The following RBFOX1 variants were observed in gnomAD, a reference collection of about 807,000 sequenced individuals.
The protein encoded by RBFOX1 is RNA binding protein fox-1 homolog 1.
Under a neutral mutation model 57.7 loss-of-function variants are expected in RBFOX1, and 8 were observed. The observed-to-expected ratio is 0.14, with a 90% CI of 0.08 to 0.25. RBFOX1 has a LOEUF of 0.25. Among genes scored for constraint, RBFOX1 ranks in the 10% least tolerant of loss-of-function variants. The pLI, the probability that RBFOX1 is intolerant of heterozygous loss-of-function variation, is 1.00. For synonymous variants in RBFOX1, 326 were observed against 222.4 expected, an observed-to-expected ratio of 1.47 and a Z score of -4.15; for missense variants, 611 against 548.5, an observed-to-expected ratio of 1.11 and a Z score of -1.14.
At chr16:5,890,698 A>AG (rs1567676111) in intron 4 of RBFOX1, among the ~76,000 whole-genome samples, 2 of 69,144 alleles carry the variant, frequency 2.9e-5, no homozygotes, top group Admixed American at 1.5e-4. Flanking sequence ...GTCTGTATTG[A>AG]AAAAAAAAAA....
At chr16:5,960,101 C>A (rs184136621) in intron 4 of RBFOX1, among the ~76,000 whole-genome samples, 2 of 151,850 alleles carry the variant, frequency 1.3e-5, no homozygotes, top group East Asian at 3.9e-4. Flanking sequence ...CTTAGGAGGC[C>A]GAGACAGGAG....
At chr16:7,087,251 T>C (rs1434462321) in intron 4 of RBFOX1, among the ~76,000 whole-genome samples, 2 of 152,110 alleles carry the variant, frequency 1.3e-5, no homozygotes, top group Non-Finnish European at 2.9e-5. Context: ...CCTCCCAGAG[T>C]CACCGGCTCT....
intron 4 of RBFOX1, among the ~76,000 whole-genome samples, chr16:7,317,618 G>T (rs986920856): frequency 6.6e-6 from 1 of 152,194 alleles, no homozygotes; most frequent in Non-Finnish European, 1.5e-5. Context: ...TGGGTGAGAA[G>T]TGGGGAGTCA....
At chr16:6,679,248 T>G (rs569269520) in intron 3 of RBFOX1, among the ~76,000 whole-genome samples, 43 of 152,098 alleles carry the variant, frequency 2.8e-4, no homozygotes, top group Non-Finnish European at 3.4e-4. Flanking sequence ...TTTTAAAGTT[T>G]ACTGACACGT....
chr16:5,354,625 A>C lies in RBFOX1; in HGVS notation c.220-112591A>C, dbSNP rs2065342193. ...CTTTTCCAGGCCTTGTGCTCTGCAC[A>C]GAGTGCTGTCTGCCCAGCTCCTTTA... On this transcript the variant is annotated intron_variant, in intron 1 of 2. Coordinates refer to the RBFOX1 transcript ENST00000585867. Among the ~76,000 whole-genome samples, 3 of 152,268 alleles carry C rather than the reference A, an allele frequency of 2.0e-5. No individual in the cohort carries two copies. The South Asian group carries it at 6.2e-4, about 31-fold the overall frequency.
intron 1 of RBFOX1, among the ~76,000 whole-genome samples, chr16:5,329,205 A>G (rs929442663): frequency 1.3e-5 from 2 of 152,336 alleles, no homozygotes; most frequent in East Asian, 3.9e-4. Context: ...CTTTAAAGAA[A>G]TACCTGACAC....
At chr16:5,378,367 T>C (rs1339026417) in intron 1 of RBFOX1, among the ~76,000 whole-genome samples, 1 of 151,548 alleles carries the variant, frequency 6.6e-6, no homozygotes, top group Non-Finnish European at 1.5e-5. Flanking sequence ...GCATCCATAG[T>C]TGCCATCCTC....
intron 4 of RBFOX1, among the ~76,000 whole-genome samples, chr16:7,226,350 A>C (rs1326358220): frequency 6.6e-6 from 1 of 152,202 alleles, no homozygotes; most frequent in Non-Finnish European, 1.5e-5. Flanking sequence ...GCAGTGTGTA[A>C]TGCCCACCTG....
At chr16:5,434,003 T>C (rs574915) in intron 1 of RBFOX1, among the ~76,000 whole-genome samples, 1 of 151,700 alleles carries the variant, frequency 6.6e-6, no homozygotes, top group African/African-American at 2.4e-5. Context: ...TCCACCCCAG[T>C]CCTATCCAGT....
At chr16:5,574,867 A>G (rs1250921254) in intron 2 of RBFOX1, among the ~76,000 whole-genome samples, 1 of 152,172 alleles carries the variant, frequency 6.6e-6, no homozygotes, top group Non-Finnish European at 1.5e-5. Context: ...AGATGGTTCT[A>G]TAACCCAGGT....
chr16:6,481,541 A>C (rs1253989229), intron 2 of RBFOX1, among the ~76,000 whole-genome samples: 1 of 152,176 alleles, frequency 6.6e-6, no homozygotes, highest in Non-Finnish European at 1.5e-5. Context: ...AAATTATTCC[A>C]CTGGGCATGC....
At chr16:6,016,376 T>C (rs1458024920), upstream of RBFOX1, among the ~76,000 whole-genome samples, 5 of 152,142 alleles carry the variant, frequency 3.3e-5, no homozygotes, top group African/African-American at 1.2e-4. Context: ...TATTCCTGGT[T>C]GGAGGAACAA....
At chr16:5,484,254 C>A (rs372138059) in intron 2 of RBFOX1, among the ~76,000 whole-genome samples, 1 of 152,208 alleles carries the variant, frequency 6.6e-6, no homozygotes. Flanking sequence ...TCTCAATTCA[C>A]CCATGAATCT....
chr16:6,815,728 C>T (rs565913799), intron 3 of RBFOX1, among the ~76,000 whole-genome samples: 18 of 152,308 alleles, frequency 1.2e-4, no homozygotes, highest in South Asian at 4.1e-4. Context: ...ACCCACTCTT[C>T]TCTCTGGTCC....
intron 3 of RBFOX1, among the ~76,000 whole-genome samples, chr16:5,613,719 A>C (rs2047911206): frequency 6.6e-6 from 1 of 152,126 alleles, no homozygotes; most frequent in Non-Finnish European, 1.5e-5. Context: ...TCACAAAAGC[A>C]GTTGATGCCT....
At chr16:6,742,346 G>A (rs1029499018) in intron 3 of RBFOX1, among the ~76,000 whole-genome samples, 1 of 152,096 alleles carries the variant, frequency 6.6e-6, no homozygotes, top group Non-Finnish European at 1.5e-5. Flanking sequence ...TATTTACAAG[G>A]ACGCATAGAA....
At chr16:5,396,628 C>G (rs554818934) in intron 1 of RBFOX1, among the ~76,000 whole-genome samples, 2 of 152,148 alleles carry the variant, frequency 1.3e-5, no homozygotes, top group African/African-American at 2.4e-5. Context: ...GATGACAGAA[C>G]AAGACTCTGT....
At chr16:5,672,658 T>G (rs1365367238) in intron 3 of RBFOX1, among the ~76,000 whole-genome samples, 1 of 152,232 alleles carries the variant, frequency 6.6e-6, no homozygotes, top group Non-Finnish European at 1.5e-5. Context: ...CTCATCCATC[T>G]CTGATTTTTT....
At chr16:5,462,427 C>G (rs1051588508) in intron 1 of RBFOX1, among the ~76,000 whole-genome samples, 1 of 152,088 alleles carries the variant, frequency 6.6e-6, no homozygotes, top group South Asian at 2.1e-4. Context: ...CTCGGCCTCC[C>G]AAAGTGCTGG....
Sources: allele counts gnomAD v4.1 joint callset (sites outside exome capture counted in the v4.1 genomes callset), GRCh38; gene constraint gnomAD v4.1.1; transcripts MANE v1.5; gene names NCBI Gene and HGNC (gene_info 2026-07-23, HGNC 2026-07-21).